Variants in DMD observed in about 807,000 individuals in gnomAD.
DMD encodes dystrophin, also known as mutant dystrophin.
A neutral mutation model predicts 330.1 loss-of-function variants in DMD; 63 were observed. The observed-to-expected ratio is 0.19, with a 90% CI of 0.16 to 0.24. The LOEUF (loss-of-function observed/expected upper bound fraction) is 0.24, where lower values mean the gene tolerates loss of function less well. Among genes scored for constraint, DMD ranks in the 10% least tolerant of loss-of-function variants. The pLI is 1.00. For synonymous variants in DMD, 1,223 were observed against 959.8 expected (o/e 1.27, Z -5.07); for missense variants, 3,344 against 2,684.1 (o/e 1.25, Z -5.43).
intron 48 of DMD, among the ~76,000 whole-genome samples, chrX:31,862,846 C>T (rs2093729690): frequency 8.9e-6 from 1 of 112,369 alleles, no homozygotes; most frequent in Non-Finnish European, 1.9e-5. Flanking sequence ...CATGCACCGG[C>T]GAAATAGCAG....
intron 2 of DMD, among the ~76,000 whole-genome samples, chrX:32,857,711 T>C (rs1437148639): frequency 4.5e-5 from 5 of 111,298 alleles, no homozygotes; most frequent in Non-Finnish European, 9.4e-5. Context: ...GAGCAGAGAC[T>C]GGGAAAGGTG....
At chrX:32,620,792 A>G (rs908393436) in intron 11 of DMD, among the ~76,000 whole-genome samples, 4 of 112,066 alleles carry the variant, frequency 3.6e-5, no homozygotes, top group African/African-American at 1.3e-4. Flanking sequence ...ATACAAAAAT[A>G]ATTAGAATAT....
At chrX:32,543,544 G>C (rs1328779905) in intron 17 of DMD, among the ~76,000 whole-genome samples, 4 of 111,932 alleles carry the variant, frequency 3.6e-5, no homozygotes, top group African/African-American at 1.3e-4. Context: ...CCATAAATCT[G>C]TATGTCCACT....
At chrX:32,235,870 A>G (rs1159811730) in intron 43 of DMD, among the ~76,000 whole-genome samples, 1 of 111,323 alleles carries the variant, frequency 9.0e-6, no homozygotes, top group African/African-American at 3.3e-5. Flanking sequence ...AAATATTGTC[A>G]TTGTATTAAA....
intron 30 of DMD, among the ~76,000 whole-genome samples, chrX:32,392,462 G>A (rs1430728189): frequency 9.0e-6 from 1 of 110,808 alleles, no homozygotes; most frequent in Non-Finnish European, 1.9e-5. Context: ...GTTTTACCAT[G>A]TTGGTCAGGA....
At position 32,472,309 on chromosome X, in the gene DMD, A is replaced by C. The variant is rs190247714; in HGVS notation, c.2804T>G (p.Ile935Ser). The C allele has an allele frequency of 7.5e-5, 91 of 1,208,430 alleles. 1 individual carries two copies. The East Asian group carries it at 2.6e-3, about 34-fold the overall frequency. Reference sequence around the variant, plus strand: ...GCGCATTGGTGGCAAAGTGTCAAAAACTTTATCAAAAGGGAAAAAAGAATG... The same window carrying C: ...GCGCATTGGTGGCAAAGTGTCAAAACCTTTATCAAAAGGGAAAAAAGAATG... ...VQAREKELQT[I>S]FDTLPPMRYQ... is the part of the protein sequence containing the mutation. The change falls in exon 22 of 79, where the codon ATT becomes AGT. Residue 935 changes from isoleucine (I) to serine (S), a missense_variant and splice_region_variant. By Grantham distance (142) the Ile-to-Ser change is moderately radical. Transcript: ENST00000357033.
At chrX:32,784,086 A>T (rs754886759) in intron 7 of DMD, among the ~76,000 whole-genome samples, 14 of 110,497 alleles carry the variant, frequency 1.3e-4, no homozygotes, top group Non-Finnish European at 2.7e-4. Flanking sequence ...CCCCAGGATG[A>T]TCTCAGCCAT....
chrX:31,935,264 T>C (rs2094909200), intron 45 of DMD, among the ~76,000 whole-genome samples: 2 of 112,081 alleles, frequency 1.8e-5, no homozygotes, highest in South Asian at 7.4e-4. Flanking sequence ...CAAAGCTTAC[T>C]ACCCCTTCCT....
At chrX:32,601,952 T>C (rs985513752) in intron 12 of DMD, among the ~76,000 whole-genome samples, 3 of 111,974 alleles carry the variant, frequency 2.7e-5, no homozygotes, top group African/African-American at 9.7e-5. Context: ...TGCAATGACC[T>C]AACCTAATAC....
chrX:31,592,380 C>CTATATATA (rs34388625), intron 55 of DMD, among the ~76,000 whole-genome samples: 74 of 92,206 alleles, frequency 8.0e-4, no homozygotes, highest in Non-Finnish European at 1.5e-3. Context: ...CATATATATT[C>CTATATATA]TATATATATA....
At chrX:32,692,934 C>A (rs757902631) in intron 9 of DMD, among the ~76,000 whole-genome samples, 3 of 112,040 alleles carry the variant, frequency 2.7e-5, no homozygotes, top group Non-Finnish European at 5.6e-5. Flanking sequence ...TCATTTAACA[C>A]TCCTAATAAC....
At chrX:33,019,322 A>C (rs1485935161) in intron 2 of DMD, among the ~76,000 whole-genome samples, 2 of 111,711 alleles carry the variant, frequency 1.8e-5, no homozygotes, top group South Asian at 3.8e-4. Context: ...TTTAAGGGCC[A>C]TATTTTATTA....
chrX:31,592,842 T>C (rs2076940083), intron 55 of DMD, among the ~76,000 whole-genome samples: 1 of 110,718 alleles, frequency 9.0e-6, no homozygotes, highest in African/African-American at 3.3e-5. Context: ...GATCATATTA[T>C]TAAAGGTAGT....
intron 16 of DMD, among the ~76,000 whole-genome samples, chrX:32,558,122 ACTGT>A (rs1220396222): frequency 1.3e-4 from 15 of 111,259 alleles, no homozygotes; most frequent in African/African-American, 4.2e-4. Flanking sequence ...ATTCTGTAAA[ACTGT>A]CTGTCCAATT....
intron 1 of DMD, among the ~76,000 whole-genome samples, chrX:33,195,709 G>A: frequency 1.9e-5 from 2 of 102,864 alleles, no homozygotes; most frequent in South Asian, 8.9e-4. Context: ...TATCTACTTA[G>A]GATTATCCCA....
chrX:32,044,382 C>A (rs1014085319), intron 44 of DMD, among the ~76,000 whole-genome samples: 4 of 109,731 alleles, frequency 3.6e-5, no homozygotes, highest in African/African-American at 1.3e-4. Context: ...AAAAAAAAAA[C>A]CTACACATAT....
chrX:31,351,729 A>AAAAAAAAAAAAAAAAAAAAAAAAAG (rs2058431971), intron 60 of DMD, among the ~76,000 whole-genome samples: 1 of 60,597 alleles, frequency 1.7e-5, no homozygotes, highest in African/African-American at 6.4e-5. Flanking sequence ...CCATCTCAAA[A>AAAAAAAAAAAAAAAAAAAAAAAAAG]AAAAAAAAAA....
chrX:31,308,196 G>A (rs2055197235), intron 62 of DMD, among the ~76,000 whole-genome samples: 1 of 112,023 alleles, frequency 8.9e-6, no homozygotes, highest in Admixed American at 9.5e-5. Flanking sequence ...AGGCTTACAT[G>A]CATTCACTGA....
intron 12 of DMD, among the ~76,000 whole-genome samples, chrX:32,599,037 T>G (rs2055886408): frequency 8.9e-6 from 1 of 111,992 alleles, no homozygotes; most frequent in Non-Finnish European, 1.9e-5. Context: ...TTTTTAAAAT[T>G]GTATTTCTTC....
Sources: gnomAD v4.1 joint callset for allele counts (sites outside exome capture counted in the v4.1 genomes callset) on GRCh38, gnomAD v4.1.1 for gene constraint, MANE v1.5 for transcripts, NCBI Gene and HGNC (gene_info 2026-07-23, HGNC 2026-07-21) for gene names.